SDK1: variants seen among roughly 807,000 people sequenced by gnomAD.
The protein encoded by SDK1 is protein sidekick-1.
Under a neutral mutation model 245.5 loss-of-function variants are expected in SDK1, and 157 were observed. The observed-to-expected ratio is 0.64, with a 90% CI of 0.56 to 0.73. SDK1 has a LOEUF of 0.73. Ranked by LOEUF, SDK1 falls within the 30% of genes least tolerant of loss-of-function variation. The pLI is 0.00. For missense variants in SDK1, 3,583 were observed against 3,002.3 expected, an observed-to-expected ratio of 1.19 and a Z score of -4.52; for synonymous variants, 1,647 against 1,278.5, an observed-to-expected ratio of 1.29 and a Z score of -6.15.
Position 3,641,987 on chromosome 7 carries a change from A to T in SDK1, c.595A>T (p.Arg199Trp). ...GGGAAGTTTCATGGATACGGACCAG[A>T]GGAAAACAGTTTCTCAAGGACGTGC... ...YMGSFMDTDQ[R>W]KTVSQGRAAI... is the part of the protein sequence containing the mutation. Residue 199 changes from arginine to tryptophan, a missense_variant, in exon 4 of 45, where the codon AGG becomes TGG. Physicochemically the swap from Arg to Trp is moderately radical, Grantham distance 101 (BLOSUM62 -3). Transcript: ENST00000404826. The T allele has an allele frequency of 6.2e-7, 1 of 1,614,082 alleles. No individual in the cohort carries two copies. The highest frequency in any genetic ancestry group is 1.1e-5 in the South Asian group (1 of 91,060).
intron 5 of SDK1, among the ~76,000 whole-genome samples, chr7:3,850,525 A>G (rs1001106442): frequency 1.3e-5 from 2 of 152,204 alleles, no homozygotes; most frequent in African/African-American, 4.8e-5. Flanking sequence ...CCAAATGATT[A>G]TAAATCATGC....
chr7:3,593,393 T>A (rs568921009), intron 1 of SDK1, among the ~76,000 whole-genome samples: 1 of 152,304 alleles, frequency 6.6e-6, no homozygotes, highest in East Asian at 1.9e-4. Context: ...AGCTTCACCA[T>A]GCATCAGCTG....
chr7:3,990,154 C>T (rs539267216), intron 14 of SDK1, among the ~76,000 whole-genome samples: 209 of 152,352 alleles, frequency 1.4e-3, no homozygotes, highest in African/African-American at 4.6e-3. Flanking sequence ...TTCTGCACCA[C>T]GCAAACCAGT....
At chr7:3,639,174 G>C (rs543057036) in intron 3 of SDK1, 64 bp downstream of exon 3, 1 of 875,114 alleles carries the variant, frequency 1.1e-6, no homozygotes, top group Non-Finnish European at 1.8e-6. Context: ...GAGTCAATCA[G>C]AATCACTTTT....
intron 1 of SDK1, among the ~76,000 whole-genome samples, chr7:3,427,140 A>C (rs1049595469): frequency 6.6e-6 from 1 of 152,212 alleles, no homozygotes; most frequent in African/African-American, 2.4e-5. Context: ...TGACCTTTGA[A>C]TGTTTTTGTT....
intron 1 of SDK1, among the ~76,000 whole-genome samples, chr7:3,372,644 T>C (rs1781256100): frequency 6.6e-6 from 1 of 152,080 alleles, no homozygotes; most frequent in African/African-American, 2.4e-5. Flanking sequence ...TCTGGGTTGA[T>C]TGTTGTGTGA....
intron 1 of SDK1, among the ~76,000 whole-genome samples, chr7:3,383,616 T>C (rs929824940): frequency 6.6e-6 from 1 of 152,230 alleles, no homozygotes; most frequent in African/African-American, 2.4e-5. Flanking sequence ...CTTGATATTT[T>C]CGTGTAACTT....
At position 3,987,196 on chromosome 7, in the gene SDK1, C is replaced by T. The variant is rs1470531647; in HGVS notation, c.2005C>T (p.His669Tyr). Residue 669 changes from histidine to tyrosine, a missense_variant, in exon 14 of 45, where the codon CAT becomes TAT. His to Tyr is a moderately conservative substitution (Grantham distance 83, BLOSUM62 2). Transcript: ENST00000404826. Reference sequence around the variant, plus strand: ...CCCATTCAATTCAAGTGAACTGCCTCATTCACCTCAGAACCTCCTGGTCAG... The same window carrying T: ...CCCATTCAATTCAAGTGAACTGCCTTATTCACCTCAGAACCTCCTGGTCAG... ...MARLEVIELP[H>Y]SPQNLLVSPN... 1 of 1,614,114 alleles carries T rather than the reference C, an allele frequency of 6.2e-7. No individual in the cohort carries two copies. The highest frequency in any genetic ancestry group is 8.5e-7 in the Non-Finnish European group (1 of 1,179,994).
chr7:3,573,022 G>T (rs1780167056), intron 1 of SDK1, among the ~76,000 whole-genome samples: 1 of 152,046 alleles, frequency 6.6e-6, no homozygotes. Flanking sequence ...ACAGTGCCAG[G>T]CCCCAGGAAC....
At chr7:3,901,853 C>G (rs1261453719) in intron 5 of SDK1, among the ~76,000 whole-genome samples, 1 of 152,116 alleles carries the variant, frequency 6.6e-6, no homozygotes. Flanking sequence ...GGAAGGGACT[C>G]TTGTTCTTTG....
chr7:3,907,429 G>T (rs1419864968), intron 5 of SDK1, among the ~76,000 whole-genome samples: 4 of 152,122 alleles, frequency 2.6e-5, no homozygotes, highest in Non-Finnish European at 5.9e-5. Flanking sequence ...TGTCTACATT[G>T]TAGCATGTGT....
At chr7:3,346,516 T>C (rs954353692) in intron 1 of SDK1, among the ~76,000 whole-genome samples, 15 of 151,860 alleles carry the variant, frequency 9.9e-5, no homozygotes, top group African/African-American at 3.6e-4. Flanking sequence ...CATTTATTTA[T>C]TTTTAATTTT....
intron 4 of SDK1, among the ~76,000 whole-genome samples, chr7:3,811,524 A>T (rs1779382832): frequency 1.3e-5 from 2 of 152,226 alleles, no homozygotes; most frequent in Admixed American, 1.3e-4. Flanking sequence ...CTCTGAGCTC[A>T]CATCTTCTTT....
At chr7:3,548,060 A>G (rs1583152221) in intron 1 of SDK1, among the ~76,000 whole-genome samples, 1 of 152,220 alleles carries the variant, frequency 6.6e-6, no homozygotes, top group East Asian at 1.9e-4. Context: ...CCAGTTTTTG[A>G]AAAATTGTAG....
In SDK1 at chr7:4,103,524, C is replaced by G. The variant is rs555241777; in HGVS notation, c.3325-7139C>G. Among the ~76,000 whole-genome samples, 14 of 152,328 alleles carry G rather than the reference C, an allele frequency of 9.2e-5. No individual in the cohort carries two copies. In the South Asian group the frequency reaches 2.9e-3, roughly 32 times the overall value. Reference sequence around the variant, plus strand: ...TGTAAACCTTTTATTATAGAAATTTCAGTTTCTCCCCTAGAGGTCGCTAAG... The same window carrying G: ...TGTAAACCTTTTATTATAGAAATTTGAGTTTCTCCCCTAGAGGTCGCTAAG... On this transcript the variant is annotated intron_variant, in intron 22 of 44. Coordinates refer to ENST00000404826, the MANE Select transcript of SDK1 (RefSeq NM_152744.4).
chr7:3,579,957 A>C (rs1583189335), intron 1 of SDK1, among the ~76,000 whole-genome samples: 1 of 152,316 alleles, frequency 6.6e-6, no homozygotes, highest in East Asian at 1.9e-4. Context: ...CAGGATACAA[A>C]ATCGGTGTAT....
intron 1 of SDK1, chr7:3,338,461 C>A: frequency 1.9e-6 from 1 of 516,390 alleles, no homozygotes; most frequent in South Asian, 1.6e-5. Flanking sequence ...GGAAAATGAT[C>A]AGAAAAAGAA....
intron 5 of SDK1, among the ~76,000 whole-genome samples, chr7:3,928,718 C>T (rs1008199864): frequency 6.6e-6 from 1 of 152,106 alleles, no homozygotes; most frequent in African/African-American, 2.4e-5. Flanking sequence ...CCTAATCTGC[C>T]CCTAGGACCA....
intron 1 of SDK1, among the ~76,000 whole-genome samples, chr7:3,607,985 T>G (rs538084064): frequency 2.0e-5 from 3 of 152,336 alleles, no homozygotes; most frequent in Admixed American, 2.0e-4. Flanking sequence ...TTCATCAGAA[T>G]AGACCTTTGT....
Sources: gnomAD v4.1 joint callset for allele counts (sites outside exome capture counted in the v4.1 genomes callset) on GRCh38, gnomAD v4.1.1 for gene constraint, MANE v1.5 for transcripts, NCBI Gene and HGNC (gene_info 2026-07-23, HGNC 2026-07-21) for gene names.